Variants in DOCK1 observed in about 807,000 individuals in gnomAD.
DOCK1 encodes the protein dedicator of cytokinesis protein 1.
DOCK1 carries 138 observed loss-of-function variants against 262.7 expected under a neutral mutation model. The observed-to-expected ratio is 0.53, with a 90% CI of 0.46 to 0.61. The LOEUF (loss-of-function observed/expected upper bound fraction) is 0.61. DOCK1 is among the 20% of genes least tolerant of loss of function. The pLI is 0.00. For synonymous variants in DOCK1, 866 were observed against 867.4 expected (o/e 1.00, Z 0.03); for missense variants, 1,908 against 2,370.7 (o/e 0.80, Z 4.05).
chr10:127,249,960 G>A (rs777220151), intron 28 of DOCK1, among the ~76,000 whole-genome samples: 3 of 152,146 alleles, frequency 2.0e-5, no homozygotes, highest in Admixed American at 1.3e-4. Flanking sequence ...CCTGTATCCT[G>A]TTTATATCCC....
chr10:127,448,141 A>C, intron 51 of DOCK1, among the ~76,000 whole-genome samples: 1 of 151,934 alleles, frequency 6.6e-6, no homozygotes, highest in Non-Finnish European at 1.5e-5. Context: ...ACCCCTGGGC[A>C]CCCTCCCCAG....
intron 1 of DOCK1, among the ~76,000 whole-genome samples, chr10:126,922,116 G>A (rs1318064997): frequency 6.6e-6 from 1 of 151,004 alleles, no homozygotes; most frequent in Non-Finnish European, 1.5e-5. Flanking sequence ...AAAGGCTGAG[G>A]TGGGAGGATT....
At chr10:127,029,257 G>A (rs1192057369) in intron 16 of DOCK1, among the ~76,000 whole-genome samples, 2 of 152,198 alleles carry the variant, frequency 1.3e-5, no homozygotes, top group African/African-American at 4.8e-5. Flanking sequence ...GCTGACCATG[G>A]CCTTCGGGGC....
intron 16 of DOCK1, chr10:127,026,636 C>G: frequency 1.7e-6 from 1 of 577,756 alleles, no homozygotes; most frequent in Non-Finnish European, 3.0e-6. Context: ...TTCCTCCTAC[C>G]CAGTGTTGCT....
intron 38 of DOCK1, among the ~76,000 whole-genome samples, chr10:127,391,294 A>G (rs2066464053): frequency 6.6e-6 from 1 of 152,150 alleles, no homozygotes; most frequent in Non-Finnish European, 1.5e-5. Context: ...ACCAGCGGGA[A>G]CCTGGAGGGA....
At chr10:127,429,056 GC>G in intron 47 of DOCK1, among the ~76,000 whole-genome samples, 4 of 150,440 alleles carry the variant, frequency 2.7e-5, no homozygotes, top group Non-Finnish European at 5.9e-5. Context: ...GGATTGGGGT[GC>G]TGTGTGGATT....
intron 7 of DOCK1, among the ~76,000 whole-genome samples, chr10:126,997,635 A>G (rs922962082): frequency 6.6e-6 from 1 of 152,100 alleles, no homozygotes; most frequent in Non-Finnish European, 1.5e-5. Context: ...CCACCAGTAT[A>G]TATATATACA....
intron 27 of DOCK1, among the ~76,000 whole-genome samples, chr10:127,197,418 A>C (rs1022697145): frequency 6.6e-6 from 1 of 152,136 alleles, no homozygotes; most frequent in Non-Finnish European, 1.5e-5. Flanking sequence ...TTGAGCTCAG[A>C]GCAGCAGACC....
chr10:127,267,223 A>G (rs939867101), intron 29 of DOCK1, among the ~76,000 whole-genome samples: 1 of 152,196 alleles, frequency 6.6e-6, no homozygotes, highest in Non-Finnish European at 1.5e-5. Context: ...ATCAGAGCCC[A>G]CTGCACCTTG....
chr10:127,262,122 G>A (rs2060184783), intron 29 of DOCK1, among the ~76,000 whole-genome samples: 1 of 149,362 alleles, frequency 6.7e-6, no homozygotes, highest in Non-Finnish European at 1.5e-5. Context: ...GTGGGTGTGT[G>A]TGTGTGTACC....
intron 29 of DOCK1, among the ~76,000 whole-genome samples, chr10:127,306,063 G>A (rs1272962728): frequency 7.0e-6 from 1 of 142,958 alleles, no homozygotes; most frequent in Non-Finnish European, 1.5e-5. Context: ...CACCCAAGCT[G>A]CAGTGCAGTG....
chr10:127,058,347 A>G (rs2045307085), intron 22 of DOCK1, among the ~76,000 whole-genome samples: 1 of 151,414 alleles, frequency 6.6e-6, no homozygotes. Flanking sequence ...TCTTTTGGCT[A>G]GTATTTGCAT....
intron 1 of DOCK1, among the ~76,000 whole-genome samples, chr10:126,913,689 A>ACTCC (rs1236544197): frequency 6.6e-6 from 1 of 152,058 alleles, no homozygotes; most frequent in East Asian, 1.9e-4. Context: ...CCACGCAGGC[A>ACTCC]CTCCCTGTCT....
At chr10:127,078,134 T>C (rs1473538881) in intron 23 of DOCK1, among the ~76,000 whole-genome samples, 1 of 152,148 alleles carries the variant, frequency 6.6e-6, no homozygotes, top group East Asian at 1.9e-4. Flanking sequence ...TATTTATTTA[T>C]TTTATTTATG....
chr10:127,160,588 G>A (rs1304642193), intron 27 of DOCK1, among the ~76,000 whole-genome samples: 1 of 152,246 alleles, frequency 6.6e-6, no homozygotes, highest in Non-Finnish European at 1.5e-5. Flanking sequence ...ACGTTGGATA[G>A]TGCTGAAATC....
intron 10 of DOCK1, among the ~76,000 whole-genome samples, chr10:127,004,919 C>T (rs1272799941): frequency 6.6e-6 from 1 of 152,154 alleles, no homozygotes; most frequent in Non-Finnish European, 1.5e-5. Flanking sequence ...GACTACCTTG[C>T]CCTCCCTGCT....
At chr10:126,951,642 G>A (rs1183446396) in intron 1 of DOCK1, among the ~76,000 whole-genome samples, 1 of 151,792 alleles carries the variant, frequency 6.6e-6, no homozygotes, top group African/African-American at 2.4e-5. Flanking sequence ...TAGTATTGTT[G>A]TTTGTAGTAT....
At chr10:127,353,290 C>T (rs1017112123) in intron 31 of DOCK1, among the ~76,000 whole-genome samples, 2 of 152,310 alleles carry the variant, frequency 1.3e-5, no homozygotes, top group Non-Finnish European at 1.5e-5. Context: ...CCAGCCCTGG[C>T]CGCAGCAGCT....
intron 7 of DOCK1, chr10:126,997,819 A>G (rs367868605): frequency 1.0e-4 from 43 of 418,426 alleles, no homozygotes; most frequent in East Asian, 8.0e-4. Flanking sequence ...CTACACATAT[A>G]TAATCATTAT....
Sources: gnomAD v4.1 joint callset for allele counts (sites outside exome capture counted in the v4.1 genomes callset) on GRCh38, gnomAD v4.1.1 for gene constraint, MANE v1.5 for transcripts, NCBI Gene and HGNC (gene_info 2026-07-23, HGNC 2026-07-21) for gene names.